GNAL: variants seen among roughly 807,000 people sequenced by gnomAD.
The protein encoded by GNAL is G protein subunit alpha L, also known as guanine nucleotide-binding protein G(olf) subunit alpha.
Under a neutral mutation model 55.1 loss-of-function variants are expected in GNAL, and 18 were observed. That is an observed-to-expected ratio of 0.33 (90% CI 0.23 to 0.48). GNAL has a LOEUF of 0.48. Ranked by LOEUF, GNAL falls within the 20% of genes least tolerant of loss-of-function variation. GNAL has a pLI of 0.99. For synonymous variants in GNAL, 253 were observed against 237.0 expected (o/e 1.07, Z -0.62); for missense variants, 412 against 614.1 (o/e 0.67, Z 3.48).
chr18:11,813,551 C>T (rs1033990558), intron 4 of GNAL, among the ~76,000 whole-genome samples: 1 of 152,094 alleles, frequency 6.6e-6, no homozygotes, highest in Admixed American at 6.6e-5. Context: ...ATAGCCGAAA[C>T]AATGTTAGAA....
At chr18:11,757,825 C>A (rs890876547) in intron 4 of GNAL, among the ~76,000 whole-genome samples, 2 of 151,866 alleles carry the variant, frequency 1.3e-5, no homozygotes, top group Admixed American at 1.3e-4. Flanking sequence ...CAGTGCTGAC[C>A]GGGGAGTCAA....
intron 5 of GNAL, chr18:11,853,466 A>G (rs1006837830): frequency 6.0e-6 from 1 of 167,132 alleles, no homozygotes; most frequent in Non-Finnish European, 1.5e-5. Context: ...AGTTAATTCA[A>G]GTTTTTTTTA....
intron 4 of GNAL, among the ~76,000 whole-genome samples, chr18:11,816,637 A>C (rs1360602558): frequency 2.0e-4 from 31 of 151,900 alleles, no homozygotes; most frequent in Admixed American, 2.0e-3. Flanking sequence ...AACACGGTGA[A>C]ACCCTGTCTC....
intron 4 of GNAL, among the ~76,000 whole-genome samples, chr18:11,779,763 C>T (rs1245250123): frequency 6.6e-6 from 1 of 152,192 alleles, no homozygotes; most frequent in East Asian, 1.9e-4. Flanking sequence ...GATGCAGTCC[C>T]TGACCTGAAG....
Position 11,864,613 on chromosome 18 carries a change from ATGT to A in GNAL, c.851+12_851+14del, listed in dbSNP as rs776026548. The stretch of plus-strand genomic sequence containing the variant: ...TGGACAAAGTAAACTTCCAGTGAGT[ATGT>A]TGTTAAGAGCTGCATGGCCCAGGGC... On this transcript the variant is annotated splice_region_variant and intron_variant, in intron 7 of 11. Transcript: ENST00000334049. 5 of 1,491,800 alleles carry A rather than the reference ATGT, an allele frequency of 3.4e-6. No individual in the cohort carries two copies. In the Admixed American group the frequency reaches 5.0e-5, roughly 15 times the overall value. The allele number at this position is 1,491,800 out of a possible 1,614,324, so 92.4% of individuals were successfully genotyped here. A position where few individuals can be genotyped will look rare whatever the true frequency, so the allele number is the denominator to read the frequency against.
At chr18:11,851,298 C>A in intron 5 of GNAL, 1 of 543,366 alleles carries the variant, frequency 1.8e-6, no homozygotes, top group Non-Finnish European at 3.1e-6. Context: ...CAGCCCCTGG[C>A]GTCTTACGTC....
chr18:11,788,473 C>T (rs965064090), intron 4 of GNAL, among the ~76,000 whole-genome samples: 1 of 152,190 alleles, frequency 6.6e-6, no homozygotes, highest in Non-Finnish European at 1.5e-5. Flanking sequence ...TCTGTACTTA[C>T]ACTCCACAAT....
At chr18:11,791,503 C>T (rs962178971) in intron 4 of GNAL, among the ~76,000 whole-genome samples, 9 of 152,098 alleles carry the variant, frequency 5.9e-5, no homozygotes, top group Non-Finnish European at 1.0e-4. Context: ...CTGATTTCTC[C>T]CCTGGGTGTT....
intron 4 of GNAL, among the ~76,000 whole-genome samples, chr18:11,806,056 G>T (rs2034651095): frequency 6.6e-6 from 1 of 152,168 alleles, no homozygotes; most frequent in Non-Finnish European, 1.5e-5. Flanking sequence ...GCTATAAGAT[G>T]ATATCTCACT....
chr18:11,821,928 C>G (rs552059203), intron 4 of GNAL, among the ~76,000 whole-genome samples: 1 of 152,386 alleles, frequency 6.6e-6, no homozygotes, highest in East Asian at 1.9e-4. Context: ...CCAGTGTGGC[C>G]CGGTGGCCAG....
At position 11,859,601 on chromosome 18, in the gene GNAL, A is replaced by T. The variant is rs77266719; in HGVS notation, c.723-2794A>T. ...GGAGCCAGCTCCACACCCTTGGCCA[A>T]CTCACCAACCTTCTGGTGCGCAGTA... On this transcript the variant is annotated intron_variant, in intron 5 of 11. Coordinates refer to ENST00000334049, the MANE Select transcript of GNAL (RefSeq NM_182978.4). 4.6e-4 allele frequency among the ~76,000 whole-genome samples: 70 copies of T among 152,106 alleles called. 1 individual carries two copies. In the East Asian group the frequency reaches 0.011, roughly 24 times the overall value.
chr18:11,851,626 G>A (rs1462108140), intron 5 of GNAL: 2 of 1,613,954 alleles, frequency 1.2e-6, no homozygotes, highest in Admixed American at 3.3e-5. Context: ...AATTAAAAAG[G>A]CCATTCAGAA....
At chr18:11,720,469 C>T (rs1441505138) in intron 1 of GNAL, among the ~76,000 whole-genome samples, 2 of 152,144 alleles carry the variant, frequency 1.3e-5, no homozygotes, top group Admixed American at 6.5e-5. Flanking sequence ...ACTTGTAGTG[C>T]GACGTTATGT....
At chr18:11,758,404 C>T (rs2033131599) in intron 4 of GNAL, among the ~76,000 whole-genome samples, 1 of 152,122 alleles carries the variant, frequency 6.6e-6, no homozygotes, top group Non-Finnish European at 1.5e-5. Context: ...ATTCTTGTGA[C>T]CTCGAGCTCA....
chr18:11,767,603 C>T (rs2033451987), intron 4 of GNAL, among the ~76,000 whole-genome samples: 1 of 152,100 alleles, frequency 6.6e-6, no homozygotes, highest in Non-Finnish European at 1.5e-5. Flanking sequence ...TCTCTGTGCA[C>T]CCTTAGCTCA....
intron 5 of GNAL, among the ~76,000 whole-genome samples, chr18:11,856,729 C>A (rs999922704): frequency 1.3e-5 from 2 of 151,808 alleles, no homozygotes; most frequent in Admixed American, 6.6e-5. Flanking sequence ...AGTTCGAGAC[C>A]AGCCTGGCCA....
intron 6 of GNAL, among the ~76,000 whole-genome samples, chr18:11,863,487 A>G (rs183980790): frequency 6.6e-6 from 1 of 152,328 alleles, no homozygotes; most frequent in East Asian, 1.9e-4. Context: ...GTTTGAAATT[A>G]TCTGACAAAG....
intron 1 of GNAL, among the ~76,000 whole-genome samples, chr18:11,725,235 A>T (rs2032186597): frequency 6.6e-6 from 1 of 152,182 alleles, no homozygotes; most frequent in Non-Finnish European, 1.5e-5. Context: ...AATTAGGATA[A>T]AATGAGATTA....
chr18:11,861,165 TC>T (rs1045946224), intron 5 of GNAL, among the ~76,000 whole-genome samples: 25 of 152,132 alleles, frequency 1.6e-4, no homozygotes, highest in African/African-American at 5.8e-4. Context: ...CAGCGCAGCC[TC>T]CAGGCCGTCC....
Sources: allele counts gnomAD v4.1 joint callset (sites outside exome capture counted in the v4.1 genomes callset), GRCh38; gene constraint gnomAD v4.1.1; transcripts MANE v1.5; gene names NCBI Gene and HGNC (gene_info 2026-07-23, HGNC 2026-07-21).